MLIP: variants seen among roughly 807,000 people sequenced by gnomAD.
MLIP encodes the protein muscular LMNA-interacting protein.
A neutral mutation model predicts 84.8 loss-of-function variants in MLIP; 79 were observed. The ratio of observed to expected loss-of-function variants is 0.93; its 90% CI spans 0.78 to 1.12. The LOEUF is 1.12. MLIP is among the 50% of genes most tolerant of loss of function. The pLI, the probability that MLIP is intolerant of heterozygous loss-of-function variation, is 0.00. For missense variants in MLIP, 1,257 were observed against 1,160.6 expected (o/e 1.08, Z -1.21); for synonymous variants, 504 against 463.0 (o/e 1.09, Z -1.14).
At chr6:54,117,946 A>AAACAACAAC (rs70980895) in intron 1 of MLIP, among the ~76,000 whole-genome samples, 1 of 141,566 alleles carries the variant, frequency 7.1e-6, no homozygotes, top group Non-Finnish European at 1.5e-5. Context: ...CTCTGTCTCA[A>AAACAACAAC]AACAACAACA....
intron 1 of MLIP, chr6:54,079,782 C>T (rs1218906666): frequency 1.3e-5 from 2 of 152,190 alleles, no homozygotes; most frequent in African/African-American, 4.8e-5. Context: ...TTGGTTTCAC[C>T]TCTTGCTCCC....
chr6:54,202,011 A>C (rs913483892), intron 10 of MLIP, 94 bp from the exon 11 acceptor site: 2 of 877,350 alleles, frequency 2.3e-6, no homozygotes, highest in Non-Finnish European at 3.1e-6. Context: ...ATTTTCTGTG[A>C]GAACAGCATT....
intron 11 of MLIP, among the ~76,000 whole-genome samples, chr6:54,212,044 T>C (rs1454844585): frequency 6.6e-6 from 1 of 152,198 alleles, no homozygotes. Context: ...TTGTCCCATG[T>C]AGCTTCTACT....
intron 1 of MLIP, among the ~76,000 whole-genome samples, chr6:54,052,222 G>T (rs1277381505): frequency 6.6e-6 from 1 of 152,112 alleles, no homozygotes; most frequent in Non-Finnish European, 1.5e-5. Flanking sequence ...AGAAATATAT[G>T]ATCCTCTTAG....
chr6:54,118,621 T>C (rs1360897531), intron 1 of MLIP, among the ~76,000 whole-genome samples: 1 of 152,218 alleles, frequency 6.6e-6, no homozygotes, highest in Non-Finnish European at 1.5e-5. Context: ...ATTTTTTGGA[T>C]ATGACTTCAA....
intron 1 of MLIP, among the ~76,000 whole-genome samples, chr6:54,052,346 G>A (rs1045574529): frequency 3.3e-5 from 5 of 152,114 alleles, no homozygotes; most frequent in Non-Finnish European, 7.4e-5. Flanking sequence ...CACTCCTAGA[G>A]CAGAAGGAAA....
intron 12 of MLIP, among the ~76,000 whole-genome samples, chr6:54,245,041 T>G (rs566599246): frequency 5.3e-4 from 80 of 152,328 alleles, no homozygotes; most frequent in Non-Finnish European, 6.9e-4. Context: ...TGACTATGCT[T>G]GTATTTTATG....
chr6:54,022,895 C>G (rs944921579), intron 1 of MLIP, among the ~76,000 whole-genome samples: 1 of 151,860 alleles, frequency 6.6e-6, no homozygotes, highest in African/African-American at 2.4e-5. Context: ...TGGCCGGGCG[C>G]GGTGGCTCAT....
intron 12 of MLIP, among the ~76,000 whole-genome samples, chr6:54,256,138 T>C (rs75403747): frequency 0.03 from 4,501 of 152,266 alleles, 216 homozygotes; most frequent in African/African-American, 0.1. Context: ...GTTGCTATGA[T>C]ACCCAAAGGA....
intron 1 of MLIP, among the ~76,000 whole-genome samples, chr6:54,062,286 G>C (rs372257012): frequency 6.6e-6 from 1 of 151,896 alleles, no homozygotes; most frequent in East Asian, 1.9e-4. Flanking sequence ...TTCCGTTCAT[G>C]ATGTCCTTAT....
chr6:54,257,206 T>C, intron 12 of MLIP, 102 bp from the exon 13 acceptor site: 2 of 800,338 alleles, frequency 2.5e-6, no homozygotes, highest in Non-Finnish European at 4.2e-6. Flanking sequence ...TTATCTGCAA[T>C]AAAATATTTA....
At chr6:54,211,255 A>T (rs1373320496) in intron 11 of MLIP, among the ~76,000 whole-genome samples, 1 of 152,210 alleles carries the variant, frequency 6.6e-6, no homozygotes, top group African/African-American at 2.4e-5. Flanking sequence ...CAATAAAAAT[A>T]AGGTTGGGAG....
At chr6:54,062,495 C>G (rs1027062277) in intron 1 of MLIP, among the ~76,000 whole-genome samples, 12 of 152,134 alleles carry the variant, frequency 7.9e-5, no homozygotes, top group African/African-American at 2.7e-4. Context: ...ATAAATTGGG[C>G]TATTTCCTTA....
At chr6:54,263,210 A>G (rs906491771) in intron 13 of MLIP, among the ~76,000 whole-genome samples, 3 of 151,962 alleles carry the variant, frequency 2.0e-5, no homozygotes, top group African/African-American at 4.8e-5. Flanking sequence ...ATTATTTGGA[A>G]CTCACATCAT....
intron 1 of MLIP, among the ~76,000 whole-genome samples, chr6:54,026,373 C>A (rs557281556): frequency 8.5e-5 from 13 of 152,230 alleles, no homozygotes; most frequent in African/African-American, 3.1e-4. Context: ...ATTTGGCAGA[C>A]CAAAGTGAAA....
At chr6:54,261,672 C>T (rs1005587788) in intron 13 of MLIP, 7 of 984,862 alleles carry the variant, frequency 7.1e-6, no homozygotes, top group Non-Finnish European at 7.2e-6. Context: ...GAGTATAAAG[C>T]AGCCATCCCA....
intron 12 of MLIP, among the ~76,000 whole-genome samples, chr6:54,232,865 T>A (rs1406972240): frequency 6.6e-6 from 1 of 152,142 alleles, no homozygotes; most frequent in Non-Finnish European, 1.5e-5. Context: ...CATGCTGAAC[T>A]TGTCTTACCA....
Position 54,160,767 on chromosome 6 carries a change from C to A in MLIP, c.2467C>A (p.Pro823Thr). The A allele has an allele frequency of 6.2e-7, 1 of 1,603,736 alleles. No homozygotes were observed. The highest frequency in any genetic ancestry group is 8.5e-7 in the Non-Finnish European group (1 of 1,171,576). Residue 823 changes from proline to threonine, a missense_variant, in exon 8 of 14, where the codon CCA (proline) becomes ACA (threonine). Pro to Thr is a conservative substitution (Grantham distance 38). Transcript: ENST00000502396. The part of the protein sequence containing the change: ...MHSSDSPSRS[P>T]KTLLGSDTVK... The stretch of plus-strand genomic sequence containing the variant: ...TTCTTCTGATTCTCCTTCAAGGTCC[C>A]CAAAGACATTGTTGGGTTCTGACAC...
intron 2 of MLIP, among the ~76,000 whole-genome samples, chr6:54,122,831 C>T (rs576359511): frequency 1.1e-4 from 16 of 152,132 alleles, no homozygotes; most frequent in Non-Finnish European, 2.1e-4. Context: ...TATTTATCTG[C>T]TGATTGCAAT....
Sources: allele counts gnomAD v4.1 joint callset (sites outside exome capture counted in the v4.1 genomes callset), GRCh38; gene constraint gnomAD v4.1.1; transcripts MANE v1.5; gene names NCBI Gene and HGNC (gene_info 2026-07-23, HGNC 2026-07-21).